MYH1: variants seen among roughly 807,000 people sequenced by gnomAD.
The protein encoded by MYH1 is myosin-1.
In MYH1, 214 loss-of-function variants were observed where a neutral mutation model predicts 225.6. The ratio of observed to expected loss-of-function variants is 0.95; its 90% CI spans 0.85 to 1.06. MYH1 has a LOEUF of 1.06. MYH1 is among the 50% of genes least tolerant of loss of function. MYH1 has a pLI of 0.00. For missense variants in MYH1, 2,098 were observed against 2,344.2 expected, an observed-to-expected ratio of 0.89 and a Z score of 2.17; for synonymous variants, 774 against 842.3, an observed-to-expected ratio of 0.92 and a Z score of 1.40.
At chr17:10,502,714 A>G in intron 24 of MYH1, 24 bp downstream of exon 24, 2 of 1,614,060 alleles carry the variant, frequency 1.2e-6, no homozygotes, top group Non-Finnish European at 1.7e-6. Context: ...TTAAAAAATC[A>G]TTTTTATATA....
intron 2 of MYH1, 112 bp from the exon 3 acceptor site, chr17:10,516,794 G>A: frequency 1.1e-6 from 1 of 870,692 alleles, no homozygotes; most frequent in Non-Finnish European, 1.7e-6. Context: ...CATTGCATTG[G>A]GTATGACCAC....
rs2142267050 is a variant in MYH1, at chr17:10,504,986, T to C, written c.2515A>G (p.Lys839Glu). ...GCACTTTTGAGGAGGGGTTTGATCT[T>C]GAAATACAGCTTCATCCAGGGCCAG... ...KHWPWMKLYF[K>E]IKPLLKSAET... Residue 839 changes from lysine (K) to glutamate (E), a missense_variant, in exon 22 of 40, where the codon AAG becomes GAG. Lys to Glu is a moderately conservative substitution (Grantham distance 56, BLOSUM62 1). Transcript: ENST00000226207. 6.2e-7 allele frequency: 1 copy of C among 1,614,118 alleles called. No individual in the cohort carries two copies.
At position 10,501,429 on chromosome 17, in the gene MYH1, C is replaced by T. The variant is rs779598062; in HGVS notation, c.3419G>A (p.Arg1140His). Residue 1140 changes from arginine (R) to histidine (H), a missense_variant, in exon 27 of 40, where the codon CGC becomes CAC. Transcript: ENST00000226207. ...CTCCAGCTCCCGGGAGAGATCAGAG[C>T]GCTGCTTCTCTGCTTTGGCCCGGGA... The part of the protein sequence containing the change: ...RASRAKAEKQ[R>H]SDLSRELEEI... 7 of 1,614,228 alleles carry T rather than the reference C, an allele frequency of 4.3e-6. No homozygotes were observed. The Admixed American group carries it at 6.7e-5, about 15-fold the overall frequency.
At chr17:10,511,019 T>C (rs577826792) in intron 14 of MYH1, among the ~76,000 whole-genome samples, 1 of 151,762 alleles carries the variant, frequency 6.6e-6, no homozygotes, top group Non-Finnish European at 1.5e-5. Flanking sequence ...TTTTAAAAAG[T>C]GTGGATTGCT....
chr17:10,508,354 G>T lies in MYH1; in HGVS notation c.1897+9C>A, dbSNP rs2073136414. On this transcript the variant is annotated intron_variant, in intron 16 of 39. Transcript: ENST00000226207. ...CATTAGGTAAAAGATTAATTATATT[G>T]ATAATTACCTGCTTCCGCTCCCGTT... is the stretch of plus-strand genomic sequence containing the variant. 1 of 1,585,954 alleles carries T rather than the reference G, an allele frequency of 6.3e-7. No individual in the cohort carries two copies.
rs376070618 is a variant in MYH1, at chr17:10,497,382, C to T, written c.4436G>A (p.Arg1479His). 9.3e-6 allele frequency: 15 copies of T among 1,613,494 alleles called. No individual in the cohort carries two copies. Among genetic ancestry groups the T allele is most frequent in the East Asian group, 4.5e-5 (2 of 44,888 alleles). The change falls in exon 32 of 40, where the codon CGC becomes CAC. Residue 1479 changes from arginine (R) to histidine (H), a missense_variant. Arg to His is a conservative substitution (Grantham distance 29). Transcript: ENST00000226207. ...CTTAAATAGTTCTGTGCTGAGTGAG[C>T]GGGATTCCTTTTGAGAAGCTTCAAG... ...AELEASQKES[R>H]SLSTELFKIK...
Position 10,515,910 on chromosome 17 carries a change from C to G in MYH1, c.505+16G>C. 1 of 1,613,868 alleles carries G rather than the reference C, an allele frequency of 6.2e-7. No individual in the cohort carries two copies. The highest frequency in any genetic ancestry group is 8.5e-7 in the Non-Finnish European group (1 of 1,179,942). ...ATGGTAAAATAATTCATATGAAAAC[C>G]AGCTGAGCCACTCACCAGTCAGCAT... On this transcript the variant is annotated intron_variant, in intron 5 of 39. Coordinates refer to ENST00000226207, the MANE Select transcript of MYH1 (RefSeq NM_005963.4).
intron 31 of MYH1, 132 bp from the exon 32 acceptor site, chr17:10,497,584 C>A: frequency 1.3e-6 from 2 of 1,481,536 alleles, no homozygotes. Flanking sequence ...GAATAGAAAC[C>A]ATAGGAGCAC....
chr17:10,516,112 A>G (rs768032849), intron 4 of MYH1, 30 bp from the exon 5 acceptor site: 76 of 1,613,482 alleles, frequency 4.7e-5, no homozygotes, highest in Non-Finnish European at 6.1e-5. Flanking sequence ...GAGGAACAGA[A>G]TTATTTGATG....
chr17:10,511,673 C>T (rs1325949104), intron 14 of MYH1, among the ~76,000 whole-genome samples, 166 bp downstream of exon 14: 1 of 152,194 alleles, frequency 6.6e-6, no homozygotes, highest in African/African-American at 2.4e-5. Flanking sequence ...TTCCAAAGTT[C>T]ACTTCCTTTC....
At chr17:10,512,333 A>G (rs2073178751) in intron 12 of MYH1, 75 bp downstream of exon 12, 2 of 1,612,268 alleles carry the variant, frequency 1.2e-6, no homozygotes, top group Non-Finnish European at 1.7e-6. Flanking sequence ...TCAGCTGTAA[A>G]GAAGACTTGA....
chr17:10,500,530 G>A (rs1022895101), intron 28 of MYH1, 96 bp downstream of exon 28: 26 of 1,561,474 alleles, frequency 1.7e-5, no homozygotes, highest in East Asian at 2.3e-5. Context: ...CAGGGAGGTA[G>A]TATATGACCT....
At chr17:10,497,245 T>G in intron 32 of MYH1, 42 bp downstream of exon 32, 17 of 1,591,642 alleles carry the variant, frequency 1.1e-5, no homozygotes, top group Non-Finnish European at 1.4e-5. Flanking sequence ...AAAAGATTCT[T>G]TCAAATCTTT....
Position 10,498,719 on chromosome 17 carries a change from C to T in MYH1, c.4088G>A (p.Arg1363Lys). The T allele has an allele frequency of 1.9e-6, 3 of 1,614,104 alleles. No individual in the cohort carries two copies. Among genetic ancestry groups the T allele is most frequent in the South Asian group, 1.1e-5 (1 of 91,080 alleles). The stretch of plus-strand genomic sequence containing the variant: ...CTCACTGTTGGCCTTGGACATTGCT[C>T]TCTGTAGCTCGGCCTTGGCTTCCTG... ...EEQEAKAELQ[R>K]AMSKANSEVA... Residue 1363 changes from arginine (R) to lysine (K), a missense_variant, in exon 30 of 40, where the codon AGA becomes AAA. Arg to Lys is a conservative substitution (Grantham distance 26). Transcript: ENST00000226207.
intron 37 of MYH1, 122 bp from the exon 38 acceptor site, chr17:10,494,795 T>C: frequency 6.3e-7 from 1 of 1,584,432 alleles, no homozygotes; most frequent in Non-Finnish European, 8.6e-7. Context: ...CAGTTTTCCT[T>C]ATTATGAGCT....
In MYH1 at chr17:10,501,091, T is replaced by C. The variant is rs1166956786; in HGVS notation, c.3738+19A>G. ...GAAAAACAAAAAACCAAATAATCAA[T>C]GTGAAGTGTTGATTGTACCTTGGCT... On this transcript the variant is annotated intron_variant, in intron 27 of 39. Coordinates refer to ENST00000226207, the MANE Select transcript of MYH1 (RefSeq NM_005963.4). The C allele has an allele frequency of 6.2e-7, 1 of 1,609,216 alleles. No homozygotes were observed. Among genetic ancestry groups the C allele is most frequent in the African/African-American group, 1.3e-5 (1 of 74,782 alleles).
intron 15 of MYH1, 88 bp downstream of exon 15, chr17:10,509,397 T>G: frequency 6.3e-7 from 1 of 1,583,472 alleles, no homozygotes; most frequent in Non-Finnish European, 8.6e-7. Context: ...AGTAGAAATA[T>G]TTAGCCATTG....
Position 10,504,845 on chromosome 17 carries a change from G to A in MYH1, c.2656C>T (p.Gln886Ter). 1.2e-6 allele frequency: 2 copies of A among 1,613,990 alleles called. No individual in the cohort carries two copies. The highest frequency in any genetic ancestry group is 1.7e-6 in the Non-Finnish European group (2 of 1,179,986). ...ELEEKMVTLM[Q>*]EKNDLQLQVQ... ...TGGAGTTGCAAGTCATTTTTTTCTTGCATCAGAGTAACCATTTTTTCTTCC... is the reference window on the plus strand; with the variant it reads ...TGGAGTTGCAAGTCATTTTTTTCTTACATCAGAGTAACCATTTTTTCTTCC... The change falls in exon 22 of 40, where the codon CAA (glutamine) becomes TAA (stop). Residue 886 changes from glutamine (Q) to a stop codon, truncating the protein, a stop_gained. Transcript: ENST00000226207. LOFTEE classifies it high-confidence loss of function.
chr17:10,505,411 G>C lies in MYH1; in HGVS notation c.2275C>G (p.Gln759Glu), dbSNP rs1292781510. ...ACCTTGGTGTGACCAAATTTATACT[G>C]GGTGTGGTCAATGTCAATGGACCCC... ...LLGSIDIDHT[Q>E]YKFGHTKVFF... The change falls in exon 20 of 40, where the codon CAG (glutamine) becomes GAG (glutamate). Residue 759 changes from glutamine (Q) to glutamate (E), a missense_variant. Physicochemically the swap from Gln to Glu is conservative, Grantham distance 29. Coordinates refer to ENST00000226207, the MANE Select transcript of MYH1 (RefSeq NM_005963.4). 1 of 1,614,200 alleles carries C rather than the reference G, an allele frequency of 6.2e-7. No homozygotes were observed. Among genetic ancestry groups the C allele is most frequent in the Non-Finnish European group, 8.5e-7 (1 of 1,180,038 alleles).
Sources: allele counts gnomAD v4.1 joint callset (sites outside exome capture counted in the v4.1 genomes callset), GRCh38; gene constraint gnomAD v4.1.1; transcripts MANE v1.5; gene names NCBI Gene and HGNC (gene_info 2026-07-23, HGNC 2026-07-21).